Variants in CA10 observed in about 807,000 individuals in gnomAD.
The protein encoded by CA10 is carbonic anhydrase-related protein 10.
CA10 carries 14 observed loss-of-function variants against 44.2 expected under a neutral mutation model. That is an observed-to-expected ratio of 0.32 (90% confidence interval 0.21 to 0.50). The LOEUF is 0.50. Among genes scored for constraint, CA10 ranks in the 20% least tolerant of loss-of-function variants. The pLI is 0.99. For missense variants in CA10, 350 were observed against 409.7 expected (o/e 0.85, Z 1.26); for synonymous variants, 159 against 141.6 (o/e 1.12, Z -0.87).
intron 1 of CA10, among the ~76,000 whole-genome samples, chr17:52,136,225 CT>C (rs925871926): frequency 6.6e-6 from 1 of 152,148 alleles, no homozygotes; most frequent in Non-Finnish European, 1.5e-5. Context: ...TAAATGTGCC[CT>C]GTCAAAATGA....
intron 2 of CA10, among the ~76,000 whole-genome samples, chr17:52,057,530 T>C (rs996941597): frequency 5.3e-5 from 8 of 152,240 alleles, no homozygotes; most frequent in Non-Finnish European, 1.2e-4. Flanking sequence ...TCAGTAAGGC[T>C]TCCGGTCAAC....
intron 3 of CA10, among the ~76,000 whole-genome samples, chr17:51,823,514 G>A (rs897783052): frequency 6.6e-6 from 1 of 152,194 alleles, no homozygotes; most frequent in African/African-American, 2.4e-5. Flanking sequence ...GTTCTCCTCT[G>A]TTCTCTCGGG....
intron 3 of CA10, among the ~76,000 whole-genome samples, chr17:51,813,670 G>A (rs907388639): frequency 2.0e-5 from 3 of 152,156 alleles, no homozygotes; most frequent in Non-Finnish European, 2.9e-5. Flanking sequence ...GTGGATTCTC[G>A]ATAAAGCTGT....
chr17:51,939,401 T>C (rs71381359), intron 2 of CA10, among the ~76,000 whole-genome samples: 6,101 of 152,194 alleles, frequency 0.04, 186 homozygotes, highest in Middle Eastern at 0.11. Flanking sequence ...TACTGGTGCT[T>C]TCATTTCAGT....
chr17:51,668,753 G>C (rs1914299973), intron 4 of CA10, among the ~76,000 whole-genome samples: 1 of 152,166 alleles, frequency 6.6e-6, no homozygotes, highest in Non-Finnish European at 1.5e-5. Context: ...AGCTCCCTCT[G>C]CTTGTGGGGA....
chr17:52,037,857 C>T (rs1986661809), intron 2 of CA10, among the ~76,000 whole-genome samples: 3 of 152,270 alleles, frequency 2.0e-5, no homozygotes, highest in South Asian at 4.1e-4. Flanking sequence ...TTCTCTCATA[C>T]CTTAAAGCTT....
At chr17:51,632,029 C>T (rs1912603544) in intron 8 of CA10, among the ~76,000 whole-genome samples, 1 of 152,158 alleles carries the variant, frequency 6.6e-6, no homozygotes, top group African/African-American at 2.4e-5. Context: ...GGAAAAACAA[C>T]AGTCCACAGA....
At chr17:51,779,523 A>C (rs925794682) in intron 3 of CA10, among the ~76,000 whole-genome samples, 6 of 152,160 alleles carry the variant, frequency 3.9e-5, no homozygotes, top group Middle Eastern at 3.4e-3. Flanking sequence ...GCAGGTCTTG[A>C]AAAATGCATC....
At chr17:51,974,726 A>G (rs1984403060) in intron 2 of CA10, among the ~76,000 whole-genome samples, 1 of 152,146 alleles carries the variant, frequency 6.6e-6, no homozygotes, top group South Asian at 2.1e-4. Flanking sequence ...GAAAAGGTAC[A>G]TTACATACAA....
At chr17:51,660,915 T>C (rs1438732036) in intron 4 of CA10, among the ~76,000 whole-genome samples, 1 of 152,056 alleles carries the variant, frequency 6.6e-6, no homozygotes, top group Non-Finnish European at 1.5e-5. Flanking sequence ...ATTCTGTTTC[T>C]TATGCTTCCC....
At chr17:51,912,889 A>G (rs1321268040) in intron 3 of CA10, among the ~76,000 whole-genome samples, 1 of 152,232 alleles carries the variant, frequency 6.6e-6, no homozygotes, top group African/African-American at 2.4e-5. Flanking sequence ...AGTACATTCT[A>G]ATAATGCTGC....
intron 2 of CA10, among the ~76,000 whole-genome samples, chr17:52,025,680 T>C (rs144572788): frequency 6.6e-6 from 1 of 152,258 alleles, no homozygotes; most frequent in Non-Finnish European, 1.5e-5. Context: ...TTTCTATTCA[T>C]GAATGCCTTT....
At chr17:51,725,692 T>C (rs1427132542) in intron 4 of CA10, among the ~76,000 whole-genome samples, 1 of 152,232 alleles carries the variant, frequency 6.6e-6, no homozygotes, top group African/African-American at 2.4e-5. Context: ...CTCTTGAGAT[T>C]TCTCTGCCCT....
chr17:51,788,163 C>T (rs1204341602), intron 3 of CA10, among the ~76,000 whole-genome samples: 1 of 152,038 alleles, frequency 6.6e-6, no homozygotes, highest in African/African-American at 2.4e-5. Context: ...ATCATTTGCT[C>T]CAATATTTTT....
intron 2 of CA10, among the ~76,000 whole-genome samples, chr17:51,970,650 C>A (rs1252573790): frequency 6.6e-6 from 1 of 151,978 alleles, no homozygotes; most frequent in African/African-American, 2.4e-5. Flanking sequence ...TGCATTAATC[C>A]TTTTGTGATC....
intron 3 of CA10, among the ~76,000 whole-genome samples, chr17:51,817,396 G>A (rs1907602061): frequency 6.6e-6 from 1 of 152,136 alleles, no homozygotes; most frequent in African/African-American, 2.4e-5. Context: ...GAGAAAGTTT[G>A]CCAACCTCTG....
chr17:51,633,752 G>A (rs1912700808), intron 7 of CA10, 102 bp from the exon 8 acceptor site: 1 of 1,307,460 alleles, frequency 7.6e-7, no homozygotes, highest in Non-Finnish European at 1.1e-6. Context: ...GGTATTGGCT[G>A]TATGAGGAAA....
chr17:51,839,422 G>A (rs1267043758), intron 3 of CA10, among the ~76,000 whole-genome samples: 2 of 149,188 alleles, frequency 1.3e-5, no homozygotes, highest in East Asian at 3.9e-4. Flanking sequence ...GAACCTGGGA[G>A]GCGGAGCTTG....
In CA10 at chr17:51,709,171, C is replaced by G. The variant is rs530401766; in HGVS notation, c.465+38462G>C. ...TCTATTCATTTACTTGCTCATCTAG[C>G]AAATATATTTTGAGCACTTACTATG... On this transcript the variant is annotated intron_variant, in intron 4 of 8. Coordinates refer to ENST00000451037, the MANE Select transcript of CA10 (RefSeq NM_020178.5). Among the ~76,000 whole-genome samples the G allele has an allele frequency of 3.3e-5, 5 of 152,296 alleles. No individual in the cohort carries two copies. In the South Asian group the frequency reaches 1.0e-3, roughly 32 times the overall value.
Sources: allele counts gnomAD v4.1 joint callset (sites outside exome capture counted in the v4.1 genomes callset), GRCh38; gene constraint gnomAD v4.1.1; transcripts MANE v1.5; gene names NCBI Gene and HGNC (gene_info 2026-07-23, HGNC 2026-07-21).